The following FHIT variants were observed in gnomAD, a reference collection of about 807,000 sequenced individuals.
FHIT encodes fragile histidine triad diadenosine triphosphatase, also known as bis(5'-adenosyl)-triphosphatase.
FHIT carries 19 observed loss-of-function variants against 17.9 expected under a neutral mutation model. The observed-to-expected ratio is 1.06, with a 90% CI of 0.74 to 1.56. The LOEUF is 1.56. Among genes scored for constraint, FHIT ranks in the 40% most tolerant of loss-of-function variants. The pLI, the probability that FHIT is intolerant of heterozygous loss-of-function variation, is 0.00. For missense variants in FHIT, 248 were observed against 189.2 expected (o/e 1.31, Z -1.82); for synonymous variants, 81 against 69.7 (o/e 1.16, Z -0.81).
intron 5 of FHIT, among the ~76,000 whole-genome samples, chr3:60,282,349 G>A (rs1707500407): frequency 1.3e-5 from 2 of 152,084 alleles, no homozygotes; most frequent in Non-Finnish European, 2.9e-5. Context: ...AAAAAGGTGT[G>A]GAGGCACCTT....
chr3:60,364,378 T>A (rs1302644572), intron 5 of FHIT, among the ~76,000 whole-genome samples: 1 of 152,220 alleles, frequency 6.6e-6, no homozygotes, highest in Non-Finnish European at 1.5e-5. Context: ...ATGGGCAAAA[T>A]AATGGGCTTT....
At chr3:60,341,961 G>A (rs1210663414) in intron 5 of FHIT, among the ~76,000 whole-genome samples, 1 of 152,080 alleles carries the variant, frequency 6.6e-6, no homozygotes, top group Non-Finnish European at 1.5e-5. Flanking sequence ...ACACATTGAA[G>A]GGTAAGGGAA....
intron 5 of FHIT, among the ~76,000 whole-genome samples, chr3:60,421,122 A>G (rs773668472): frequency 1.4e-4 from 21 of 150,316 alleles, no homozygotes; most frequent in Non-Finnish European, 2.1e-4. Flanking sequence ...CTTCATTGGC[A>G]TTTTGGAAAT....
At chr3:60,241,761 G>A (rs952446013) in intron 5 of FHIT, among the ~76,000 whole-genome samples, 1 of 152,076 alleles carries the variant, frequency 6.6e-6, no homozygotes, top group Non-Finnish European at 1.5e-5. Context: ...ATGACTAGTA[G>A]GAGTTAGTTT....
At chr3:60,993,498 A>C (rs2107587689) in intron 3 of FHIT, among the ~76,000 whole-genome samples, 1 of 119,228 alleles carries the variant, frequency 8.4e-6, no homozygotes, top group Non-Finnish European at 1.8e-5. Flanking sequence ...CCCTGATGGT[A>C]GGCAAAAAGT....
At chr3:60,999,846 CTGGGAA>C (rs2030943333) in intron 3 of FHIT, among the ~76,000 whole-genome samples, 1 of 152,072 alleles carries the variant, frequency 6.6e-6, no homozygotes, top group Non-Finnish European at 1.5e-5. Flanking sequence ...GTTCTGGAGA[CTGGGAA>C]GCCCATCAAG....
chr3:60,200,654 C>G (rs777888990), intron 5 of FHIT, among the ~76,000 whole-genome samples: 2 of 131,336 alleles, frequency 1.5e-5, no homozygotes, highest in Non-Finnish European at 3.3e-5. Context: ...ATCAGAATCC[C>G]TTTGTTGCTT....
At chr3:61,249,717 T>A (rs1417052240) in intron 1 of FHIT, among the ~76,000 whole-genome samples, 1 of 152,176 alleles carries the variant, frequency 6.6e-6, no homozygotes, top group African/African-American at 2.4e-5. Context: ...TATATTTTAT[T>A]GAATATATAT....
intron 7 of FHIT, among the ~76,000 whole-genome samples, chr3:60,002,999 C>G (rs1171062287): frequency 1.3e-5 from 2 of 152,154 alleles, no homozygotes; most frequent in Non-Finnish European, 1.5e-5. Context: ...GGCATGAGAA[C>G]TAGCTATATG....
At chr3:60,152,268 T>C (rs1700499559) in intron 5 of FHIT, among the ~76,000 whole-genome samples, 1 of 152,186 alleles carries the variant, frequency 6.6e-6, no homozygotes, top group Non-Finnish European at 1.5e-5. Flanking sequence ...ATCTATTAGC[T>C]CGTAGGAAGC....
intron 1 of FHIT, among the ~76,000 whole-genome samples, chr3:61,231,737 A>C (rs912275330): frequency 6.6e-6 from 1 of 152,200 alleles, no homozygotes; most frequent in Admixed American, 6.5e-5. Context: ...AGTAACACCT[A>C]GCTGGAGAAA....
At chr3:60,279,340 A>T (rs895120496) in intron 5 of FHIT, among the ~76,000 whole-genome samples, 5 of 152,202 alleles carry the variant, frequency 3.3e-5, no homozygotes, top group African/African-American at 4.8e-5. Context: ...TCACAAAAAG[A>T]GAAATAGATA....
At chr3:59,834,750 T>C (rs946160630) in intron 8 of FHIT, among the ~76,000 whole-genome samples, 5 of 152,214 alleles carry the variant, frequency 3.3e-5, no homozygotes, top group African/African-American at 1.2e-4. Flanking sequence ...ATGGAGATTA[T>C]ATTTCAACAT....
At chr3:60,291,078 G>T (rs1017390143) in intron 5 of FHIT, among the ~76,000 whole-genome samples, 2 of 152,196 alleles carry the variant, frequency 1.3e-5, no homozygotes, top group African/African-American at 4.8e-5. Context: ...CAGGTTCATT[G>T]TCTCACAGCT....
intron 8 of FHIT, among the ~76,000 whole-genome samples, chr3:59,879,127 C>T (rs1190818389): frequency 6.6e-6 from 1 of 152,136 alleles, no homozygotes; most frequent in Non-Finnish European, 1.5e-5. Context: ...AATTATTTCA[C>T]TTCTCCCAGA....
chr3:59,798,895 GAGTCATCTC>G (rs576966093), intron 8 of FHIT, among the ~76,000 whole-genome samples: 1 of 152,238 alleles, frequency 6.6e-6, no homozygotes, highest in Non-Finnish European at 1.5e-5. Context: ...TCAGAGGAAA[GAGTCATCTC>G]AGTTGGCATT....
At chr3:60,081,230 G>A (rs1266420833) in intron 5 of FHIT, among the ~76,000 whole-genome samples, 1 of 152,082 alleles carries the variant, frequency 6.6e-6, no homozygotes, top group Admixed American at 6.6e-5. Context: ...AATGTCTGTG[G>A]CTGGGACTCT....
intron 3 of FHIT, among the ~76,000 whole-genome samples, chr3:60,888,299 A>G (rs919709353): frequency 2.6e-5 from 4 of 152,330 alleles, no homozygotes; most frequent in South Asian, 4.1e-4. Context: ...TTAGCCAACT[A>G]TATTTCCTGA....
rs557758332 is a variant in FHIT, at chr3:60,156,973, C to T, written c.104-142821G>A. ...ATATATAAAATAGAAGTGTTAGATA[C>T]GACTCTTATGATTAAGATATATCTT... On this transcript the variant is annotated intron_variant, in intron 5 of 9. Coordinates refer to ENST00000492590, the MANE Select transcript of FHIT (RefSeq NM_002012.4). 4.3e-4 allele frequency among the ~76,000 whole-genome samples: 65 copies of T among 151,928 alleles called. No homozygotes were observed. In the South Asian group the frequency reaches 9.6e-3, roughly 22 times the overall value.
Sources: gnomAD v4.1 joint callset for allele counts (sites outside exome capture counted in the v4.1 genomes callset) on GRCh38, gnomAD v4.1.1 for gene constraint, MANE v1.5 for transcripts, NCBI Gene and HGNC (gene_info 2026-07-23, HGNC 2026-07-21) for gene names.